The following TSG101 variants were observed in gnomAD, a reference collection of about 807,000 sequenced individuals.
The protein encoded by TSG101 is tumor susceptibility gene 101 protein.
TSG101 carries 19 observed loss-of-function variants against 48.5 expected under a neutral mutation model. The observed-to-expected ratio is 0.39, with a 90% CI of 0.27 to 0.58. TSG101 has a LOEUF of 0.58. Among genes scored for constraint, TSG101 ranks in the 20% least tolerant of loss-of-function variants. TSG101 has a pLI of 0.55. For missense variants in TSG101, 365 were observed against 484.4 expected, an observed-to-expected ratio of 0.75 and a Z score of 2.31; for synonymous variants, 174 against 169.4, an observed-to-expected ratio of 1.03 and a Z score of -0.21.
At chr11:18,506,493 C>A (rs183703869) in intron 6 of TSG101, among the ~76,000 whole-genome samples, 474 of 151,814 alleles carry the variant, frequency 3.1e-3, no homozygotes, top group Non-Finnish European at 5.7e-3. Flanking sequence ...GAGTTTGAGA[C>A]CAGCCTGGCC....
Position 18,481,814 on chromosome 11 carries a change from G to A in TSG101, c.899C>T (p.Ser300Phe). The A allele has an allele frequency of 6.2e-7, 1 of 1,614,050 alleles. No homozygotes were observed. Among genetic ancestry groups the A allele is most frequent in the Non-Finnish European group, 8.5e-7 (1 of 1,180,010 alleles). Reference protein sequence around the residue: ...LLKKKDEELSSALEKMENQSE... With the variant: ...LLKKKDEELSFALEKMENQSE... Reference sequence around the variant, plus strand: ...CTGATTTTCCATTTTTTCCAGAGCAGAACTGAGTTCTTCATCCTTCTTTTT... The same window carrying A: ...CTGATTTTCCATTTTTTCCAGAGCAAAACTGAGTTCTTCATCCTTCTTTTT... The change falls in exon 9 of 10, where the codon TCT (serine) becomes TTT (phenylalanine). Residue 300 changes from serine to phenylalanine, a missense_variant. Transcript: ENST00000251968.
rs1369574576 is a variant in TSG101, at chr11:18,514,667, T to C, written c.357+11A>G. ...AACATAACTAATTCACAGAACACTATGAATACTTACGTGTTTCCATTCATG... is the reference window on the plus strand; with the variant it reads ...AACATAACTAATTCACAGAACACTACGAATACTTACGTGTTTCCATTCATG... On this transcript the variant is annotated intron_variant, in intron 4 of 9. Coordinates refer to ENST00000251968, the MANE Select transcript of TSG101 (RefSeq NM_006292.4). 20 of 1,554,054 alleles carry C rather than the reference T, an allele frequency of 1.3e-5. No individual in the cohort carries two copies. The highest frequency in any genetic ancestry group is 1.6e-5 in the Non-Finnish European group (18 of 1,159,260).
intron 7 of TSG101, among the ~76,000 whole-genome samples, chr11:18,499,285 CATATATATTT>C (rs1272203145): frequency 1.0e-5 from 1 of 95,786 alleles, no homozygotes; most frequent in African/African-American, 3.7e-5. Flanking sequence ...TTATATATAT[CATATATATTT>C]ATATTTATAT....
chr11:18,510,019 G>A (rs774295879), intron 4 of TSG101, among the ~76,000 whole-genome samples: 4 of 152,076 alleles, frequency 2.6e-5, no homozygotes, highest in African/African-American at 4.8e-5. Flanking sequence ...ATGAATATGA[G>A]CAACAGTCAC....
chr11:18,506,868 A>G lies in TSG101; in HGVS notation c.537T>C (p.Pro179=). The G allele has an allele frequency of 2.5e-6, 4 of 1,597,748 alleles. No individual in the cohort carries two copies. The highest frequency in any genetic ancestry group is 3.4e-6 in the Non-Finnish European group (4 of 1,170,682). The change falls in exon 6 of 10, where the codon CCT becomes CCC. Residue 179 remains proline, a synonymous_variant. Coordinates refer to ENST00000251968, the MANE Select transcript of TSG101 (RefSeq NM_006292.4). The part of the protein sequence containing the change: ...GGISPYPSGY[P]PNPSGYPGCP... Reference sequence around the variant, plus strand: ...ACGTTTTTCATTACCTGGGATTGGGAGGGTATCCGGATGGGTATGGAGAGA... The same window carrying G: ...ACGTTTTTCATTACCTGGGATTGGGGGGGTATCCGGATGGGTATGGAGAGA...
intron 7 of TSG101, among the ~76,000 whole-genome samples, chr11:18,499,395 TATA>T (rs1238441449): frequency 0.071 from 733 of 10,292 alleles, 34 homozygotes; most frequent in Non-Finnish European, 0.099. Flanking sequence ...TATATATATA[TATA>T]TATATTTTTT....
intron 4 of TSG101, among the ~76,000 whole-genome samples, chr11:18,514,148 C>T (rs984262898): frequency 2.0e-5 from 3 of 151,906 alleles, no homozygotes; most frequent in Non-Finnish European, 4.4e-5. Context: ...ACTACCTCAT[C>T]TCTTTGCTGT....
intron 7 of TSG101, among the ~76,000 whole-genome samples, chr11:18,486,311 C>T (rs11024674): frequency 0.17 from 26,526 of 152,154 alleles, 2,786 homozygotes; most frequent in East Asian, 0.41. Context: ...GGTAGCATGG[C>T]TGAGGGAGGC....
intron 2 of TSG101, 30 bp from the exon 3 acceptor site, chr11:18,516,194 G>C: frequency 6.2e-7 from 1 of 1,600,214 alleles, no homozygotes. Flanking sequence ...ATTTAATCAT[G>C]AGCATTTTTT....
intron 6 of TSG101, among the ~76,000 whole-genome samples, chr11:18,503,526 C>A (rs562686325): frequency 5.3e-5 from 8 of 152,148 alleles, no homozygotes; most frequent in Non-Finnish European, 8.8e-5. Flanking sequence ...GTGCCCGCCA[C>A]CACACCCGGC....
intron 7 of TSG101, among the ~76,000 whole-genome samples, chr11:18,489,900 C>T (rs1160056687): frequency 1.3e-5 from 2 of 152,114 alleles, no homozygotes; most frequent in Admixed American, 6.5e-5. Flanking sequence ...TTAAACTTTC[C>T]AAAAAGTTAC....
intron 1 of TSG101, among the ~76,000 whole-genome samples, chr11:18,519,958 T>C (rs1309449447): frequency 2.6e-5 from 4 of 152,224 alleles, no homozygotes; most frequent in East Asian, 3.8e-4. Context: ...TTAAAGAGTA[T>C]AGTTCAATGG....
rs1355095445 is a variant in TSG101 at position 18,481,830 on chromosome 11, CCTT to C, written c.880_882del (p.Lys294del). Reference sequence around the variant, plus strand: ...TCCAGAGCAGAACTGAGTTCTTCATCCTTCTTTTTCAAAAGTTCTATGTTTTTA... The same window carrying C: ...TCCAGAGCAGAACTGAGTTCTTCATCCTTTTTCAAAAGTTCTATGTTTTTA... On this transcript the variant is annotated inframe_deletion, in exon 9 of 10. Transcript: ENST00000251968. 9 of 1,613,834 alleles carry C rather than the reference CCTT, an allele frequency of 5.6e-6. No individual in the cohort carries two copies. The highest frequency in any genetic ancestry group is 1.1e-5 in the South Asian group (1 of 91,070).
At chr11:18,495,813 T>C (rs1022412642) in intron 7 of TSG101, among the ~76,000 whole-genome samples, 2 of 151,512 alleles carry the variant, frequency 1.3e-5, no homozygotes, top group African/African-American at 4.9e-5. Context: ...GGACTCTACA[T>C]AGATCAAGGC....
chr11:18,483,937 G>A lies in TSG101; in HGVS notation c.776C>T (p.Thr259Ile). The A allele has an allele frequency of 1.2e-6, 2 of 1,614,110 alleles. No homozygotes were observed. Among genetic ancestry groups the A allele is most frequent in the East Asian group, 2.2e-5 (1 of 44,882 alleles). Residue 259 changes from threonine to isoleucine, a missense_variant, in exon 8 of 10, where the codon ACA becomes ATA. Thr to Ile is a moderately conservative substitution (Grantham distance 89). Coordinates refer to ENST00000251968, the MANE Select transcript of TSG101 (RefSeq NM_006292.4). ...GTGACCCTTTTTCAGGTCTTCTTCT[G>A]TTCGTTTCAAGGCATTGAGCTCTGC... ...AQAELNALKR[T>I]EEDLKKGHQK...
intron 7 of TSG101, among the ~76,000 whole-genome samples, chr11:18,486,416 C>G (rs1849621643): frequency 6.6e-6 from 1 of 152,240 alleles, no homozygotes; most frequent in South Asian, 2.1e-4. Context: ...TCACTTCATT[C>G]AAACAATTCT....
intron 5 of TSG101, 57 bp from the exon 6 acceptor site, chr11:18,506,980 C>T: frequency 1.4e-6 from 2 of 1,422,036 alleles, no homozygotes; most frequent in East Asian, 2.3e-5. Flanking sequence ...AATATGTAGG[C>T]TACTGAATAA....
At chr11:18,516,641 CTA>C (rs1207617485) in intron 2 of TSG101, among the ~76,000 whole-genome samples, 1 of 150,752 alleles carries the variant, frequency 6.6e-6, no homozygotes, top group African/African-American at 2.4e-5. Flanking sequence ...ACTTTTAAAA[CTA>C]TTTAAAAATC....
chr11:18,499,147 C>T (rs1849830489), intron 7 of TSG101, among the ~76,000 whole-genome samples: 2 of 144,866 alleles, frequency 1.4e-5, no homozygotes, highest in Admixed American at 7.2e-5. Context: ...ATGAAGACAT[C>T]CAATAGTGGT....
Sources: gnomAD v4.1 joint callset for allele counts (sites outside exome capture counted in the v4.1 genomes callset) on GRCh38, gnomAD v4.1.1 for gene constraint, MANE v1.5 for transcripts, NCBI Gene and HGNC (gene_info 2026-07-23, HGNC 2026-07-21) for gene names.